The following PRDX3 variants were observed in gnomAD, a reference collection of about 807,000 sequenced individuals.
The protein encoded by PRDX3 is peroxiredoxin 3, also known as thioredoxin-dependent peroxide reductase, mitochondrial.
In PRDX3, 20 loss-of-function variants were observed where a neutral mutation model predicts 30.4. The ratio of observed to expected loss-of-function variants is 0.66; its 90% CI spans 0.46 to 0.96. PRDX3 has a LOEUF of 0.96. Ranked by LOEUF, PRDX3 falls within the 40% of genes least tolerant of loss-of-function variation. PRDX3 has a pLI of 0.00. For synonymous variants in PRDX3, 124 were observed against 117.8 expected (o/e 1.05, Z -0.34); for missense variants, 322 against 318.3 (o/e 1.01, Z -0.09).
intron 5 of PRDX3, 39 bp from the exon 6 acceptor site, chr10:119,169,381 C>G (rs34176975): frequency 6.4e-7 from 1 of 1,569,054 alleles, no homozygotes; most frequent in Non-Finnish European, 8.7e-7. Context: ...CTCAACAGTA[C>G]CAGAACTAGA....
At position 119,168,338 on chromosome 10, in the gene PRDX3, A is replaced by T; in HGVS notation, c.*142T>A. ...AAAGGTCTTAGCCAGAATTACAAAA[A>T]CAAAACATTTAGAGTAATACTTATG... is the stretch of plus-strand genomic sequence containing the variant. On this transcript the variant is annotated 3_prime_UTR_variant, in exon 7 of 7. Transcript: ENST00000298510. The T allele has an allele frequency of 6.8e-7, 1 of 1,478,058 alleles. No homozygotes were observed. Among genetic ancestry groups the T allele is most frequent in the African/African-American group, 1.4e-5 (1 of 70,016 alleles). The allele number at this position is 1,478,058 out of a possible 1,614,324, so 91.6% of individuals were successfully genotyped here. A position where few individuals can be genotyped will look rare whatever the true frequency, so the allele number is the denominator to read the frequency against.
In PRDX3 at chr10:119,173,721, G is replaced by C; in HGVS notation, c.447+16C>G. The C allele has an allele frequency of 6.2e-7, 1 of 1,608,722 alleles. No homozygotes were observed. On this transcript the variant is annotated intron_variant, in intron 4 of 6. Transcript: ENST00000298510. ...GCAAGTTTATAAGAGCAAAAGCTAGGGGTACAATGCCATACCTTTCTTGGT... is the reference window on the plus strand; with the variant it reads ...GCAAGTTTATAAGAGCAAAAGCTAGCGGTACAATGCCATACCTTTCTTGGT...
intron 3 of PRDX3, among the ~76,000 whole-genome samples, chr10:119,174,201 T>C (rs1847974878): frequency 6.6e-6 from 1 of 152,204 alleles, no homozygotes; most frequent in Admixed American, 6.5e-5. Flanking sequence ...TTTCATAGAC[T>C]GGCTTAGGGA....
At chr10:119,176,561 A>C (rs1443746383) in intron 2 of PRDX3, among the ~76,000 whole-genome samples, 1 of 152,108 alleles carries the variant, frequency 6.6e-6, no homozygotes, top group Non-Finnish European at 1.5e-5. Flanking sequence ...AAACAGCTAA[A>C]TTTCGCTCAG....
rs1455060419 is a variant in PRDX3 at position 119,177,073 on chromosome 10, G to C, written c.117C>G (p.Ser39Arg). 6.2e-7 allele frequency: 1 copy of C among 1,614,002 alleles called. No homozygotes were observed. The highest frequency in any genetic ancestry group is 8.5e-7 in the Non-Finnish European group (1 of 1,179,968). The change falls in exon 2 of 7, where the codon AGC becomes AGG. Residue 39 changes from serine to arginine, a missense_variant. Coordinates refer to ENST00000298510, the MANE Select transcript of PRDX3 (RefSeq NM_006793.5). Reference sequence around the variant, plus strand: ...AACCAGAACACAATAAATTTGTCAAGCTCGTTCTTCCACATGCAGCAGGCC... The same window carrying C: ...AACCAGAACACAATAAATTTGTCAACCTCGTTCTTCCACATGCAGCAGGCC... ...ALRPAACGRT[S>R]LTNLLCSGSS... is the part of the protein sequence containing the mutation.
At chr10:119,173,625 A>C in intron 4 of PRDX3, 112 bp downstream of exon 4, 1 of 1,360,424 alleles carries the variant, frequency 7.4e-7, no homozygotes. Flanking sequence ...AAAAAAAAAA[A>C]AAAAACCCAA....
chr10:119,170,664 G>A (rs1847882867), intron 5 of PRDX3: 1 of 152,046 alleles, frequency 6.6e-6, no homozygotes, highest in African/African-American at 2.4e-5. Context: ...GAGAGGCCGA[G>A]GCAGGCAGAT....
At chr10:119,177,188 T>G (rs1425330547) in intron 1 of PRDX3, 35 bp from the exon 2 acceptor site, 1 of 1,609,564 alleles carries the variant, frequency 6.2e-7, no homozygotes, top group South Asian at 1.1e-5. Context: ...AAAGTTTTCC[T>G]GGACTGGTGA....
At chr10:119,169,050 T>A in intron 6 of PRDX3, 127 bp downstream of exon 6, 36 of 802,552 alleles carry the variant, frequency 4.5e-5, no homozygotes, top group Middle Eastern at 9.2e-4. Flanking sequence ...CCACAGCAGC[T>A]TCACCCATTT....
At chr10:119,177,477 G>A (rs896244150) in intron 1 of PRDX3, among the ~76,000 whole-genome samples, 9 of 151,984 alleles carry the variant, frequency 5.9e-5, no homozygotes, top group East Asian at 5.8e-4. Flanking sequence ...GGCCAAGATG[G>A]TGAAACTCCA....
chr10:119,175,945 A>AT (rs1213694406), intron 2 of PRDX3, among the ~76,000 whole-genome samples: 1 of 150,974 alleles, frequency 6.6e-6, no homozygotes, highest in Non-Finnish European at 1.5e-5. Context: ...CACCCGGCTT[A>AT]TTTTTTTTAA....
intron 5 of PRDX3, 150 bp downstream of exon 5, chr10:119,172,232 A>G: frequency 3.1e-6 from 2 of 654,568 alleles, no homozygotes. Flanking sequence ...GGCCTCCCAA[A>G]GTGCTACGAT....
At chr10:119,176,762 ACT>A (rs1848037227) in intron 2 of PRDX3, among the ~76,000 whole-genome samples, 1 of 152,088 alleles carries the variant, frequency 6.6e-6, no homozygotes, top group African/African-American at 2.4e-5. Context: ...TGGATTAGAA[ACT>A]CTGACAACCA....
In PRDX3 at chr10:119,177,173, A is replaced by G. The variant is rs1232634196; in HGVS notation, c.37-20T>C. On this transcript the variant is annotated intron_variant, in intron 1 of 6. Coordinates refer to ENST00000298510, the MANE Select transcript of PRDX3 (RefSeq NM_006793.5). ...GGCAACCTGGAAAGAGAAACTTTTT[A>G]TTAGAAAGTTTTCCTGGACTGGTGA... 2 of 1,611,722 alleles carry G rather than the reference A, an allele frequency of 1.2e-6. No homozygotes were observed. The highest frequency in any genetic ancestry group is 2.7e-5 in the African/African-American group (2 of 74,996).
chr10:119,175,732 G>C (rs1848011536), intron 2 of PRDX3, among the ~76,000 whole-genome samples: 1 of 151,780 alleles, frequency 6.6e-6, no homozygotes, highest in Non-Finnish European at 1.5e-5. Context: ...CCGGCAGGAG[G>C]GAAAGAGGAG....
At chr10:119,174,370 A>G in intron 3 of PRDX3, 81 bp downstream of exon 3, 3 of 1,446,552 alleles carry the variant, frequency 2.1e-6, no homozygotes, top group Non-Finnish European at 2.8e-6. Context: ...AAGGGTATCT[A>G]GGGATAGACA....
At chr10:119,170,081 G>A (rs1324284120) in intron 5 of PRDX3, 3 of 152,244 alleles carry the variant, frequency 2.0e-5, no homozygotes, top group East Asian at 1.9e-4. Flanking sequence ...CTGCAGCCTC[G>A]AACTTCTGGC....
rs376898915 is a variant in PRDX3, at chr10:119,168,345, A to G, written c.*135T>C. 1.3e-6 allele frequency: 2 copies of G among 1,492,128 alleles called. No individual in the cohort carries two copies. The highest frequency in any genetic ancestry group is 1.4e-5 in the African/African-American group (1 of 70,392). 92.4% of individuals were successfully genotyped at this position (1,492,128 alleles called of 1,614,324 possible). A position where few individuals can be genotyped will look rare whatever the true frequency, so the allele number is the denominator to read the frequency against. On this transcript the variant is annotated 3_prime_UTR_variant, in exon 7 of 7. Transcript: ENST00000298510. ...TTAGCCAGAATTACAAAAACAAAAC[A>G]TTTAGAGTAATACTTATGAATACAA...
rs1017838185 is a variant in PRDX3, at chr10:119,172,247, G to A, written c.551+135C>T. ...GGCCTCCCAAAGTGCTACGATTACA[G>A]GCATGAGCCACCATGCCCAGCCAGG... On this transcript the variant is annotated intron_variant, in intron 5 of 6. Coordinates refer to ENST00000298510, the MANE Select transcript of PRDX3 (RefSeq NM_006793.5). 17 of 734,930 alleles carry A rather than the reference G, an allele frequency of 2.3e-5. No homozygotes were observed. The African/African-American group carries it at 2.4e-4, about 11-fold the overall frequency. 45.5% of individuals were successfully genotyped at this position (734,930 alleles called of 1,614,324 possible). A position where few individuals can be genotyped will look rare whatever the true frequency, so the allele number is the denominator to read the frequency against.
Sources: gnomAD v4.1 joint callset for allele counts (sites outside exome capture counted in the v4.1 genomes callset) on GRCh38, gnomAD v4.1.1 for gene constraint, MANE v1.5 for transcripts, NCBI Gene and HGNC (gene_info 2026-07-23, HGNC 2026-07-21) for gene names.